HNF4G: variants seen among roughly 807,000 people sequenced by gnomAD.
HNF4G encodes hepatocyte nuclear factor 4 gamma, also known as hepatocyte nuclear factor 4-gamma.
In HNF4G, 21 loss-of-function variants were observed where a neutral mutation model predicts 50.9. That is an observed-to-expected ratio of 0.41 (90% CI 0.29 to 0.59). HNF4G has a LOEUF of 0.59. Ranked by LOEUF, HNF4G falls within the 20% of genes least tolerant of loss-of-function variation. The pLI is 0.26. For synonymous variants in HNF4G, 198 were observed against 185.6 expected, an observed-to-expected ratio of 1.07 and a Z score of -0.54; for missense variants, 527 against 559.4, an observed-to-expected ratio of 0.94 and a Z score of 0.58.
At chr8:75,482,742 T>G (rs1378328939) in intron 1 of HNF4G, among the ~76,000 whole-genome samples, 3 of 152,218 alleles carry the variant, frequency 2.0e-5, no homozygotes, top group Non-Finnish European at 2.9e-5. Flanking sequence ...ACTGACAAGT[T>G]TATATTCTTT....
At chr8:75,420,370 C>T (rs912200146) in intron 1 of HNF4G, among the ~76,000 whole-genome samples, 5 of 152,222 alleles carry the variant, frequency 3.3e-5, no homozygotes, top group African/African-American at 1.2e-4. Context: ...TTAAAATCAT[C>T]TGATTGGTTT....
Position 75,491,519 on chromosome 8 carries a change from G to C in HNF4G, c.-24+1311G>C, listed in dbSNP as rs1263374895. 2.6e-5 allele frequency among the ~76,000 whole-genome samples: 4 copies of C among 151,606 alleles called. No individual in the cohort carries two copies. The East Asian group carries it at 7.8e-4, about 29-fold the overall frequency. ...AGACAGGATCTGGCTCTGTTGCCCA[G>C]GCTGGAGTGTAGTGGTGCGATCTCC... On this transcript the variant is annotated intron_variant, in intron 2 of 10. Coordinates refer to the HNF4G transcript ENST00000354370.
intron 2 of HNF4G, among the ~76,000 whole-genome samples, chr8:75,507,407 C>A (rs1187732340): frequency 6.6e-6 from 1 of 151,842 alleles, no homozygotes; most frequent in Non-Finnish European, 1.5e-5. Flanking sequence ...ATTACAGGTG[C>A]CCGCCACCAT....
At chr8:75,522,277 G>A (rs1272103669) in intron 2 of HNF4G, among the ~76,000 whole-genome samples, 1 of 152,148 alleles carries the variant, frequency 6.6e-6, no homozygotes, top group African/African-American at 2.4e-5. Flanking sequence ...TGATCTGTAA[G>A]AGCCAGTGTT....
At chr8:75,548,296 TTTG>T (rs1482663190) in intron 3 of HNF4G, among the ~76,000 whole-genome samples, 2 of 152,194 alleles carry the variant, frequency 1.3e-5, no homozygotes, top group Admixed American at 6.5e-5. Context: ...AAATGTATTT[TTTG>T]TTGTTGTTGT....
At chr8:75,451,986 T>C (rs1029454043) in intron 1 of HNF4G, among the ~76,000 whole-genome samples, 1 of 152,130 alleles carries the variant, frequency 6.6e-6, no homozygotes, top group African/African-American at 2.4e-5. Flanking sequence ...TAGCAAACAT[T>C]ACTTCTGATC....
In HNF4G at chr8:75,539,930, T is replaced by C. The variant is rs1394774757; in HGVS notation, c.-33T>C. On this transcript the variant is annotated 5_prime_UTR_variant, in exon 1 of 10. Coordinates refer to ENST00000396423, the MANE Select transcript of HNF4G (RefSeq NM_004133.5). ...AAACACTCATCACGCACTCTGGGCT[T>C]GTGGTGCCACTTGTATGTGTGTTTC... The C allele has an allele frequency of 3.1e-6, 3 of 979,978 alleles. No individual in the cohort carries two copies. In the Admixed American group the frequency reaches 5.2e-5, roughly 17 times the overall value. 60.7% of individuals were successfully genotyped at this position (979,978 alleles called of 1,614,324 possible).
At chr8:75,551,543 C>G (rs1271377986) in intron 4 of HNF4G, 49 bp downstream of exon 4, 1 of 1,061,612 alleles carries the variant, frequency 9.4e-7, no homozygotes, top group Admixed American at 1.7e-5. Context: ...AATCAAATGT[C>G]CATGTAGGCA....
chr8:75,509,619 G>T (rs1231000378), intron 2 of HNF4G, among the ~76,000 whole-genome samples: 1 of 152,092 alleles, frequency 6.6e-6, no homozygotes, highest in Non-Finnish European at 1.5e-5. Flanking sequence ...TGATGTTCTG[G>T]ACAACAAAAC....
intron 1 of HNF4G, among the ~76,000 whole-genome samples, chr8:75,458,216 A>T (rs550101828): frequency 6.6e-6 from 1 of 152,234 alleles, no homozygotes; most frequent in Non-Finnish European, 1.5e-5. Context: ...TCACTGAATG[A>T]ATGTATATAG....
Position 75,551,471 on chromosome 8 carries a change from C to G in HNF4G, c.466C>G (p.Gln156Glu). Residue 156 changes from glutamine to glutamate, a missense_variant, in exon 4 of 10, where the codon CAA (glutamine) becomes GAA (glutamate). Transcript: ENST00000396423. ...CATCCCCTCCATTAACACACTGGCA[C>G]AAGCTGAAGTTCGGTCTCGCCAGGT... ...SNIPSINTLA[Q>E]AEVRSRQISV... 6.2e-7 allele frequency: 1 copy of G among 1,610,990 alleles called. No individual in the cohort carries two copies. Among genetic ancestry groups the G allele is most frequent in the Non-Finnish European group, 8.5e-7 (1 of 1,177,368 alleles).
chr8:75,482,791 T>G (rs2130661374), intron 1 of HNF4G, among the ~76,000 whole-genome samples: 1 of 152,362 alleles, frequency 6.6e-6, no homozygotes, highest in South Asian at 2.1e-4. Flanking sequence ...GCTTTTTCTT[T>G]ATTAAGAATA....
At chr8:75,507,131 A>G (rs1430675559) in intron 2 of HNF4G, among the ~76,000 whole-genome samples, 1 of 152,218 alleles carries the variant, frequency 6.6e-6, no homozygotes, top group Non-Finnish European at 1.5e-5. Flanking sequence ...GATTATATGT[A>G]AGAACTATAA....
At chr8:75,463,425 G>A (rs1811897764) in intron 1 of HNF4G, among the ~76,000 whole-genome samples, 1 of 152,008 alleles carries the variant, frequency 6.6e-6, no homozygotes, top group Admixed American at 6.6e-5. Flanking sequence ...TTGATCACAT[G>A]CTTGTCAACT....
At chr8:75,557,844 T>C (rs1209389828) in intron 6 of HNF4G, among the ~76,000 whole-genome samples, 1 of 152,014 alleles carries the variant, frequency 6.6e-6, no homozygotes, top group African/African-American at 2.4e-5. Context: ...CTATAAAAAT[T>C]TTCATCATAT....
chr8:75,432,451 G>T (rs1811036673), intron 1 of HNF4G, among the ~76,000 whole-genome samples: 1 of 151,820 alleles, frequency 6.6e-6, no homozygotes, highest in Non-Finnish European at 1.5e-5. Context: ...CAAGTAGCTG[G>T]GATTACGTCT....
intron 9 of HNF4G, among the ~76,000 whole-genome samples, chr8:75,561,685 T>C (rs1807316305): frequency 6.6e-6 from 1 of 152,164 alleles, no homozygotes; most frequent in African/African-American, 2.4e-5. Flanking sequence ...TCACTCTTAA[T>C]TGTGAGTTAC....
At chr8:75,415,725 G>C (rs1332971743) in intron 1 of HNF4G, among the ~76,000 whole-genome samples, 1 of 151,520 alleles carries the variant, frequency 6.6e-6, no homozygotes, top group Non-Finnish European at 1.5e-5. Flanking sequence ...TCAAATATAG[G>C]TTTTTGGGGT....
intron 1 of HNF4G, among the ~76,000 whole-genome samples, chr8:75,464,680 G>A (rs539888945): frequency 1.6e-4 from 24 of 152,238 alleles, no homozygotes; most frequent in South Asian, 2.1e-4. Context: ...GAGTCTATCA[G>A]ATTGTATATT....
Sources: gnomAD v4.1 joint callset for allele counts (sites outside exome capture counted in the v4.1 genomes callset) on GRCh38, gnomAD v4.1.1 for gene constraint, MANE v1.5 for transcripts, NCBI Gene and HGNC (gene_info 2026-07-23, HGNC 2026-07-21) for gene names.